ESR2: variants seen among roughly 807,000 people sequenced by gnomAD.
ESR2 encodes estrogen receptor beta.
ESR2 carries 36 observed loss-of-function variants against 49.6 expected under a neutral mutation model. The ratio of observed to expected loss-of-function variants is 0.73; its 90% CI spans 0.56 to 0.96. ESR2 has a LOEUF of 0.96. ESR2 is among the 40% of genes least tolerant of loss of function. ESR2 has a pLI of 0.00. For missense variants in ESR2, 714 were observed against 693.0 expected, an observed-to-expected ratio of 1.03 and a Z score of -0.34; for synonymous variants, 320 against 266.1, an observed-to-expected ratio of 1.20 and a Z score of -1.97.
chr14:64,255,970 GGA>G, intron 6 of ESR2, among the ~76,000 whole-genome samples: 1 of 152,234 alleles, frequency 6.6e-6, no homozygotes, highest in Admixed American at 6.5e-5. Flanking sequence ...GGCAGAATGG[GGA>G]CTGATACCTT....
intron 7 of ESR2, among the ~76,000 whole-genome samples, chr14:64,239,931 C>A (rs563505369): frequency 1.3e-5 from 2 of 152,184 alleles, no homozygotes; most frequent in East Asian, 3.8e-4. Flanking sequence ...CTTTGATTAA[C>A]TATTTGAGTA....
chr14:64,241,132 C>G (rs575057080), intron 7 of ESR2, among the ~76,000 whole-genome samples: 1 of 115,248 alleles, frequency 8.7e-6, no homozygotes, highest in African/African-American at 3.7e-5. Flanking sequence ...GGCCACAGAG[C>G]GAGACTCCGT....
chr14:64,247,341 A>G (rs559221627), intron 7 of ESR2, among the ~76,000 whole-genome samples: 174 of 152,100 alleles, frequency 1.1e-3, no homozygotes, highest in Non-Finnish European at 2.2e-3. Context: ...CAAAACAAAC[A>G]AACAAACAAA....
At chr14:64,304,316 G>C (rs2077063474) in intron 1 of ESR2, among the ~76,000 whole-genome samples, 2 of 152,008 alleles carry the variant, frequency 1.3e-5, no homozygotes, top group African/African-American at 4.8e-5. Flanking sequence ...TACAAGACTA[G>C]TGCATATGCC....
Position 64,309,607 on chromosome 14 carries a change from CA to C in ESR2, c.-90-26533del, listed in dbSNP as rs545143689. 6.8e-3 allele frequency among the ~76,000 whole-genome samples: 854 copies of C among 125,804 alleles called. 47 individuals carry two copies. Among genetic ancestry groups the C allele is most frequent in the African/African-American group, 0.028 (803 of 28,946 alleles). 82.5% of individuals were successfully genotyped at this position (125,804 alleles called of 152,430 possible). Reference sequence around the variant, plus strand: ...GGGCAACAAGAGTGAAACTCCATCTCAAAAAAAAAAATAGAGAATCTTGCGT... The same window carrying C: ...GGGCAACAAGAGTGAAACTCCATCTCAAAAAAAAAATAGAGAATCTTGCGT... On this transcript the variant is annotated intron_variant, in intron 1 of 8. Transcript: ENST00000358599.
rs753951395 is a variant in ESR2 at position 64,268,788 on chromosome 14, C to T, written c.652+7G>A. The T allele has an allele frequency of 2.6e-6, 4 of 1,549,808 alleles. No homozygotes were observed. The East Asian group carries it at 9.0e-5, about 35-fold the overall frequency. The stretch of plus-strand genomic sequence containing the variant: ...CATATTCAATAAGAAGGGAAGCAAG[C>T]ACTCACCACACTTCACCATTCCCAC... On this transcript the variant is annotated splice_region_variant and intron_variant, in intron 4 of 8. Transcript: ENST00000341099.
intron 1 of ESR2, among the ~76,000 whole-genome samples, chr14:64,327,852 G>C (rs2077408387): frequency 4.0e-5 from 6 of 149,388 alleles, no homozygotes; most frequent in Admixed American, 4.0e-4. Flanking sequence ...CTGGGCAACA[G>C]AGCAAGCCTC....
In ESR2 at chr14:64,257,250, A is replaced by T. The variant is rs1490605415; in HGVS notation, c.1067T>A (p.Phe356Tyr). The T allele has an allele frequency of 6.2e-7, 1 of 1,614,234 alleles. No individual in the cohort carries two copies. The highest frequency in any genetic ancestry group is 2.2e-5 in the East Asian group (1 of 44,888). ...CCTGTCCAGAACAAGATCTGGAGCA[A>T]AGATGAGCTTGCCGGGGTGGTCAAT... ...RSIDHPGKLI[F>Y]APDLVLDRDE... is the part of the protein sequence containing the mutation. The change falls in exon 6 of 9, where the codon TTT becomes TAT. Residue 356 changes from phenylalanine to tyrosine, a missense_variant. Coordinates refer to ENST00000341099, the MANE Select transcript of ESR2 (RefSeq NM_001437.3).
intron 1 of ESR2, among the ~76,000 whole-genome samples, chr14:64,311,838 A>G (rs2077191970): frequency 6.6e-6 from 1 of 152,048 alleles, no homozygotes; most frequent in African/African-American, 2.4e-5. Flanking sequence ...AAAAACAAAA[A>G]GACTTACTAA....
intron 7 of ESR2, among the ~76,000 whole-genome samples, chr14:64,240,029 T>G (rs909087201): frequency 2.6e-5 from 4 of 152,234 alleles, no homozygotes; most frequent in African/African-American, 9.6e-5. Flanking sequence ...TACCAGAAAC[T>G]GAGCTGAAAT....
downstream of ESR2, chr14:64,227,717 G>T: frequency 3.2e-6 from 5 of 1,586,806 alleles, no homozygotes; most frequent in African/African-American, 1.3e-5. Flanking sequence ...TCTTCCTCAG[G>T]ATAAGGGCCT....
rs147951874 is a variant in ESR2 at position 64,243,909 on chromosome 14, C to A, written c.1225+5637G>T. Among the ~76,000 whole-genome samples, 448 of 152,320 alleles carry A rather than the reference C, an allele frequency of 2.9e-3. 1 individual carries two copies. Among genetic ancestry groups the A allele is most frequent in the African/African-American group, 0.01 (430 of 41,560 alleles). The stretch of plus-strand genomic sequence containing the variant: ...TCCAAAATTCTTTGTGCAGCTCTTT[C>A]CCACTCAGTACTCTCCCCTCCAAGT... On this transcript the variant is annotated intron_variant, in intron 7 of 8. Coordinates refer to ENST00000341099, the MANE Select transcript of ESR2 (RefSeq NM_001437.3).
intron 1 of ESR2, among the ~76,000 whole-genome samples, chr14:64,317,244 G>A (rs2077266584): frequency 6.6e-6 from 1 of 152,216 alleles, no homozygotes. Flanking sequence ...CAGCCTAGGC[G>A]ACAGAGTGAG....
intron 1 of ESR2, among the ~76,000 whole-genome samples, chr14:64,325,363 T>C (rs1239993901): frequency 6.6e-6 from 1 of 152,070 alleles, no homozygotes; most frequent in Non-Finnish European, 1.5e-5. Flanking sequence ...AATGATGAAT[T>C]TGCATTAGAA....
chr14:64,271,563 C>G (rs1197005976), intron 3 of ESR2, among the ~76,000 whole-genome samples: 2 of 152,182 alleles, frequency 1.3e-5, no homozygotes, highest in Non-Finnish European at 2.9e-5. Context: ...TGAGCTCAGG[C>G]AATCTGCCTG....
intron 7 of ESR2, among the ~76,000 whole-genome samples, chr14:64,240,223 A>G (rs147096334): frequency 9.5e-4 from 144 of 151,782 alleles, no homozygotes; most frequent in African/African-American, 3.3e-3. Context: ...TGTCACATAC[A>G]CAGGAAAACA....
rs1184394818 is a variant in ESR2 at position 64,231,189 on chromosome 14, T to C, written c.*1948A>G. On this transcript the variant is annotated 3_prime_UTR_variant, in exon 9 of 9. Coordinates refer to ENST00000341099, the MANE Select transcript of ESR2 (RefSeq NM_001437.3). Reference sequence around the variant, plus strand: ...GTGAGCCACCACATCTGGCCTTGTTTTGGTTTTTTATGTTTTTGTTACCTG... The same window carrying C: ...GTGAGCCACCACATCTGGCCTTGTTCTGGTTTTTTATGTTTTTGTTACCTG... 1 of 152,228 alleles carries C rather than the reference T, an allele frequency of 6.6e-6. No homozygotes were observed. Among genetic ancestry groups the C allele is most frequent in the Non-Finnish European group, 1.5e-5 (1 of 68,058 alleles). The allele number at this position is 152,228 out of a possible 1,614,324, so 9.4% of individuals were successfully genotyped here. A position where few individuals can be genotyped will look rare whatever the true frequency, so the allele number is the denominator to read the frequency against.
chr14:64,263,619 A>G (rs1168540359), intron 4 of ESR2, among the ~76,000 whole-genome samples: 1 of 152,206 alleles, frequency 6.6e-6, no homozygotes, highest in Non-Finnish European at 1.5e-5. Flanking sequence ...CATGCACTCC[A>G]GCCTGGGTGA....
intron 1 of ESR2, among the ~76,000 whole-genome samples, chr14:64,327,364 C>G (rs564047050): frequency 1.3e-5 from 2 of 151,828 alleles, no homozygotes; most frequent in South Asian, 4.2e-4. Context: ...AATTCGAGAC[C>G]AGCCTGGCCA....
Sources: allele counts gnomAD v4.1 joint callset (sites outside exome capture counted in the v4.1 genomes callset), GRCh38; gene constraint gnomAD v4.1.1; transcripts MANE v1.5; gene names NCBI Gene and HGNC (gene_info 2026-07-23, HGNC 2026-07-21).